The following CSMD1 variants were observed in gnomAD, a reference collection of about 807,000 sequenced individuals.
CSMD1 encodes the protein CUB and sushi domain-containing protein 1.
Under a neutral mutation model 417.5 loss-of-function variants are expected in CSMD1, and 213 were observed. That is an observed-to-expected ratio of 0.51 (90% CI 0.46 to 0.57). The LOEUF is 0.57. Among genes scored for constraint, CSMD1 ranks in the 20% least tolerant of loss-of-function variants. The pLI, the probability that CSMD1 is intolerant of heterozygous loss-of-function variation, is 0.00. For synonymous variants in CSMD1, 2,862 were observed against 1,736.8 expected (o/e 1.65, Z -16.11); for missense variants, 6,923 against 4,529.7 (o/e 1.53, Z -15.17).
chr8:3,367,507 G>A (rs868273724), intron 19 of CSMD1, among the ~76,000 whole-genome samples: 43 of 151,946 alleles, frequency 2.8e-4, no homozygotes, highest in Admixed American at 8.5e-4. Context: ...AACAATTGCT[G>A]AAAAATTTTT....
intron 5 of CSMD1, among the ~76,000 whole-genome samples, chr8:3,763,814 G>A (rs563835168): frequency 6.6e-6 from 1 of 152,262 alleles, no homozygotes; most frequent in Non-Finnish European, 1.5e-5. Context: ...GTCCCTGCAT[G>A]CACACATAAT....
chr8:4,574,388 G>C (rs1220448713), intron 2 of CSMD1, among the ~76,000 whole-genome samples: 1 of 152,278 alleles, frequency 6.6e-6, no homozygotes, highest in African/African-American at 2.4e-5. Context: ...GGGTTACCCA[G>C]CCCCTTGCAC....
intron 7 of CSMD1, among the ~76,000 whole-genome samples, chr8:3,687,025 G>A (rs946618112): frequency 6.6e-6 from 1 of 152,164 alleles, no homozygotes; most frequent in African/African-American, 2.4e-5. Flanking sequence ...TCAAGTAGGG[G>A]TGGATGGCAG....
chr8:3,618,949 T>C (rs371285730), intron 7 of CSMD1, among the ~76,000 whole-genome samples: 2 of 152,134 alleles, frequency 1.3e-5, no homozygotes, highest in East Asian at 1.9e-4. Context: ...GAGCTCTGTC[T>C]TTCCTGACTT....
chr8:4,348,449 C>G (rs779430588), intron 3 of CSMD1, among the ~76,000 whole-genome samples: 4 of 152,040 alleles, frequency 2.6e-5, no homozygotes, highest in Non-Finnish European at 5.9e-5. Context: ...TTAGGCCTTT[C>G]TGATCATTTG....
chr8:4,140,125 G>A (rs1193306971), intron 3 of CSMD1, among the ~76,000 whole-genome samples: 3 of 150,898 alleles, frequency 2.0e-5, no homozygotes, highest in Non-Finnish European at 2.9e-5. Context: ...GGTGAAGGCG[G>A]GAGGATTCCT....
chr8:2,986,573 C>T (rs1232433985), intron 54 of CSMD1, among the ~76,000 whole-genome samples: 7 of 152,116 alleles, frequency 4.6e-5, no homozygotes. Context: ...GGCGCGATCT[C>T]AGCTCACTGC....
At chr8:3,841,146 C>G (rs1419778646) in intron 5 of CSMD1, among the ~76,000 whole-genome samples, 4 of 152,002 alleles carry the variant, frequency 2.6e-5, no homozygotes, top group Admixed American at 6.6e-5. Context: ...CATGAGGGTA[C>G]TCATCGATAA....
intron 5 of CSMD1, among the ~76,000 whole-genome samples, chr8:3,942,999 T>A (rs530919296): frequency 2.0e-5 from 3 of 152,066 alleles, no homozygotes; most frequent in Admixed American, 1.3e-4. Flanking sequence ...TAAGGGGAGG[T>A]CTAAATTATT....
At chr8:3,307,188 A>T (rs1230867420) in intron 25 of CSMD1, among the ~76,000 whole-genome samples, 1 of 152,150 alleles carries the variant, frequency 6.6e-6, no homozygotes, top group African/African-American at 2.4e-5. Context: ...AGGGCACCTT[A>T]GCAAGTGTAA....
chr8:4,991,684 C>T (rs930670250), intron 1 of CSMD1, among the ~76,000 whole-genome samples: 2 of 152,100 alleles, frequency 1.3e-5, no homozygotes, highest in African/African-American at 2.4e-5. Flanking sequence ...GGCCCAGCGC[C>T]GACGCCCCCG....
chr8:4,367,481 A>G (rs1224127622), intron 3 of CSMD1, among the ~76,000 whole-genome samples: 2 of 152,094 alleles, frequency 1.3e-5, no homozygotes, highest in African/African-American at 4.8e-5. Flanking sequence ...ACAGTTTGAA[A>G]TCGGGTAGTG....
At chr8:3,652,178 A>C (rs1797891319) in intron 7 of CSMD1, among the ~76,000 whole-genome samples, 1 of 148,200 alleles carries the variant, frequency 6.7e-6, no homozygotes, top group South Asian at 2.1e-4. Flanking sequence ...TACCACCATC[A>C]GAACACCTAC....
At chr8:4,271,498 C>G (rs924308393) in intron 3 of CSMD1, among the ~76,000 whole-genome samples, 5 of 151,660 alleles carry the variant, frequency 3.3e-5, no homozygotes, top group Admixed American at 3.3e-4. Context: ...GAAAAAACTG[C>G]ATCAAAATCA....
intron 54 of CSMD1, among the ~76,000 whole-genome samples, chr8:2,994,490 T>A (rs1299254977): frequency 6.6e-6 from 1 of 152,148 alleles, no homozygotes; most frequent in Non-Finnish European, 1.5e-5. Context: ...TGAGCACCAG[T>A]TCCCCACACG....
At chr8:4,406,463 C>G (rs1805026429) in intron 3 of CSMD1, among the ~76,000 whole-genome samples, 1 of 152,176 alleles carries the variant, frequency 6.6e-6, no homozygotes, top group Non-Finnish European at 1.5e-5. Flanking sequence ...TAAATCTACT[C>G]ATCATCCTCT....
intron 10 of CSMD1, 83 bp from the exon 11 acceptor site, chr8:3,493,809 A>T (rs1796240569): frequency 8.2e-7 from 1 of 1,219,404 alleles, no homozygotes; most frequent in African/African-American, 1.5e-5. Flanking sequence ...ATCTAGTTAT[A>T]CTGTTAAATT....
intron 3 of CSMD1, among the ~76,000 whole-genome samples, chr8:4,274,337 C>G (rs1300133651): frequency 6.6e-6 from 1 of 152,080 alleles, no homozygotes; most frequent in Non-Finnish European, 1.5e-5. Flanking sequence ...AAACACATGA[C>G]TTTTTTTACG....
intron 1 of CSMD1, among the ~76,000 whole-genome samples, chr8:4,934,939 T>C (rs1375891972): frequency 6.6e-6 from 1 of 152,212 alleles, no homozygotes; most frequent in African/African-American, 2.4e-5. Context: ...ATCAATCATC[T>C]ATTTAAATCC....
Sources: gnomAD v4.1 joint callset for allele counts (sites outside exome capture counted in the v4.1 genomes callset) on GRCh38, gnomAD v4.1.1 for gene constraint, MANE v1.5 for transcripts, NCBI Gene and HGNC (gene_info 2026-07-23, HGNC 2026-07-21) for gene names.